ASIC2: variants seen among roughly 807,000 people sequenced by gnomAD.
The protein encoded by ASIC2 is acid-sensing ion channel 2.
ASIC2 carries 25 observed loss-of-function variants against 57.3 expected under a neutral mutation model. The observed-to-expected ratio is 0.44, with a 90% CI of 0.32 to 0.61. The LOEUF (loss-of-function observed/expected upper bound fraction) is 0.61, where lower values mean the gene tolerates loss of function less well. Among genes scored for constraint, ASIC2 ranks in the 20% least tolerant of loss-of-function variants. The pLI is 0.06. For synonymous variants in ASIC2, 319 were observed against 307.5 expected, an observed-to-expected ratio of 1.04 and a Z score of -0.39; for missense variants, 641 against 738.1, an observed-to-expected ratio of 0.87 and a Z score of 1.52.
chr17:34,058,659 A>C (rs1439231333), intron 1 of ASIC2, among the ~76,000 whole-genome samples: 2 of 151,854 alleles, frequency 1.3e-5, no homozygotes, highest in African/African-American at 4.9e-5. Flanking sequence ...GAAATGTATT[A>C]GCATTTCCTC....
chr17:33,313,936 GACCCCCT>G (rs1215024580), intron 1 of ASIC2, among the ~76,000 whole-genome samples: 2 of 151,972 alleles, frequency 1.3e-5, no homozygotes, highest in Admixed American at 1.3e-4. Context: ...TGTCATTGGT[GACCCCCT>G]TCTTCATGGA....
intron 1 of ASIC2, among the ~76,000 whole-genome samples, chr17:34,027,770 A>G (rs1440516063): frequency 6.6e-6 from 1 of 152,112 alleles, no homozygotes; most frequent in Non-Finnish European, 1.5e-5. Context: ...CCTCTCCTAC[A>G]CTGCAAGGCA....
chr17:33,481,506 T>C (rs914550693), intron 1 of ASIC2, among the ~76,000 whole-genome samples: 51 of 135,332 alleles, frequency 3.8e-4, no homozygotes, highest in Non-Finnish European at 6.0e-4. Flanking sequence ...GGTTGCTCCA[T>C]TGATCATCCA....
chr17:33,943,644 G>A (rs1021255123), intron 1 of ASIC2, among the ~76,000 whole-genome samples: 2 of 147,346 alleles, frequency 1.4e-5, no homozygotes, highest in African/African-American at 2.5e-5. Context: ...GCCTGTGCAC[G>A]AGTGAAAATA....
intron 1 of ASIC2, among the ~76,000 whole-genome samples, chr17:33,941,275 A>G (rs1010870769): frequency 1.3e-5 from 2 of 152,170 alleles, no homozygotes; most frequent in Admixed American, 6.5e-5. Flanking sequence ...AGTCTTTCAG[A>G]TCATCCCTCT....
chr17:33,243,377 A>T (rs1174294053), intron 1 of ASIC2, among the ~76,000 whole-genome samples: 3 of 152,138 alleles, frequency 2.0e-5, no homozygotes, highest in Non-Finnish European at 4.4e-5. Flanking sequence ...AGTACTTGGC[A>T]ATGGCAAAAA....
intron 1 of ASIC2, among the ~76,000 whole-genome samples, chr17:33,497,903 CT>C (rs2141939681): frequency 6.6e-6 from 1 of 152,292 alleles, no homozygotes; most frequent in Admixed American, 6.5e-5. Context: ...CCCACAAGCT[CT>C]GAATTAAAGG....
intron 1 of ASIC2, among the ~76,000 whole-genome samples, chr17:33,526,765 T>C (rs951367973): frequency 3.3e-5 from 5 of 151,908 alleles, no homozygotes; most frequent in African/African-American, 1.2e-4. Flanking sequence ...GCCCACCCCT[T>C]CTCCTCCCCT....
chr17:33,490,932 G>T (rs1450857458), intron 1 of ASIC2, among the ~76,000 whole-genome samples: 1 of 152,036 alleles, frequency 6.6e-6, no homozygotes, highest in African/African-American at 2.4e-5. Context: ...CCTGAGCCTT[G>T]GCCAACTGAT....
At chr17:33,133,764 AC>A (rs1038146043) in intron 1 of ASIC2, among the ~76,000 whole-genome samples, 1 of 152,108 alleles carries the variant, frequency 6.6e-6, no homozygotes, top group Non-Finnish European at 1.5e-5. Context: ...TCCTCCTTCT[AC>A]CCTGCCCCAT....
intron 1 of ASIC2, among the ~76,000 whole-genome samples, chr17:34,144,055 T>C (rs1246594771): frequency 1.3e-5 from 2 of 152,218 alleles, no homozygotes; most frequent in African/African-American, 4.8e-5. Context: ...AGATACCTCA[T>C]TCATATCCTG....
At chr17:33,156,755 CA>C (rs971688123) in intron 1 of ASIC2, among the ~76,000 whole-genome samples, 157 of 151,378 alleles carry the variant, frequency 1.0e-3, no homozygotes, top group Non-Finnish European at 1.6e-3. Context: ...GACTCCATTT[CA>C]AAAAAAACAA....
At chr17:33,593,663 C>A (rs1333099363) in intron 1 of ASIC2, among the ~76,000 whole-genome samples, 1 of 152,178 alleles carries the variant, frequency 6.6e-6, no homozygotes, top group African/African-American at 2.4e-5. Flanking sequence ...CGAAAGCCAG[C>A]CACACAGTAG....
At chr17:33,049,309 G>A (rs1328633689) in intron 3 of ASIC2, among the ~76,000 whole-genome samples, 1 of 152,170 alleles carries the variant, frequency 6.6e-6, no homozygotes, top group South Asian at 2.1e-4. Flanking sequence ...GGGGCTGGCT[G>A]TCTCATTTAT....
intron 1 of ASIC2, among the ~76,000 whole-genome samples, chr17:33,587,039 CTA>C (rs1314111441): frequency 6.6e-6 from 1 of 152,214 alleles, no homozygotes; most frequent in Non-Finnish European, 1.5e-5. Context: ...AGTTCACAAA[CTA>C]TGGCTCATGA....
At chr17:33,880,956 A>G (rs1914683850) in intron 1 of ASIC2, among the ~76,000 whole-genome samples, 1 of 152,214 alleles carries the variant, frequency 6.6e-6, no homozygotes, top group South Asian at 2.1e-4. Flanking sequence ...CTGGTTCAAC[A>G]TATGCAAATC....
intron 1 of ASIC2, among the ~76,000 whole-genome samples, chr17:33,269,689 G>T (rs138723437): frequency 0.2 from 5,042 of 25,056 alleles, 482 homozygotes; most frequent in African/African-American, 0.4. Flanking sequence ...CCTCCCTCCT[G>T]CCTGCCTGCC....
chr17:33,823,839 TGGTGTTTTG>T (rs1264496207), intron 1 of ASIC2, among the ~76,000 whole-genome samples: 1 of 152,198 alleles, frequency 6.6e-6, no homozygotes, highest in African/African-American at 2.4e-5. Context: ...GCCCATGTTT[TGGTGTTTTG>T]GGTTCTTTCT....
intron 1 of ASIC2, among the ~76,000 whole-genome samples, chr17:33,627,953 C>T (rs1232141533): frequency 6.6e-6 from 1 of 152,034 alleles, no homozygotes; most frequent in Non-Finnish European, 1.5e-5. Flanking sequence ...TGGCGTGAAC[C>T]TGGGAGGCGG....
Sources: allele counts gnomAD v4.1 joint callset (sites outside exome capture counted in the v4.1 genomes callset), GRCh38; gene constraint gnomAD v4.1.1; transcripts MANE v1.5; gene names NCBI Gene and HGNC (gene_info 2026-07-23, HGNC 2026-07-21).